Variants in OXSR1 observed in about 807,000 individuals in gnomAD.
OXSR1 encodes serine/threonine-protein kinase OSR1.
A neutral mutation model predicts 79.8 loss-of-function variants in OXSR1; 24 were observed. That is an observed-to-expected ratio of 0.30 (90% CI 0.22 to 0.42). OXSR1 has a LOEUF of 0.42. OXSR1 is among the 10% of genes least tolerant of loss of function. The pLI is 1.00. For missense variants in OXSR1, 430 were observed against 618.4 expected, an observed-to-expected ratio of 0.70 and a Z score of 3.23; for synonymous variants, 226 against 209.2, an observed-to-expected ratio of 1.08 and a Z score of -0.69.
chr3:38,175,454 C>T lies in OXSR1; in HGVS notation c.71-7549C>T, dbSNP rs2125803002. On this transcript the variant is annotated intron_variant, in intron 1 of 17. Transcript: ENST00000311806. ...AGCTGGGACTACAGGCGTGTGCCAC[C>T]ACACCCGGCTAATTTTTGTATTTTT... Among the ~76,000 whole-genome samples the T allele has an allele frequency of 2.0e-5, 3 of 152,262 alleles. No homozygotes were observed. The South Asian group carries it at 6.2e-4, about 32-fold the overall frequency.
intron 11 of OXSR1, among the ~76,000 whole-genome samples, chr3:38,238,967 A>G (rs1045409757): frequency 4.0e-5 from 6 of 151,884 alleles, no homozygotes; most frequent in South Asian, 2.1e-4. Flanking sequence ...GTTTCTCTTA[A>G]TTTTTTTAAA....
Position 38,224,562 on chromosome 3 carries a change from T to C in OXSR1, c.703-9T>C, listed in dbSNP as rs1702652993. On this transcript the variant is annotated splice_polypyrimidine_tract_variant and intron_variant, in intron 7 of 17. Coordinates refer to ENST00000311806, the MANE Select transcript of OXSR1 (RefSeq NM_005109.3). Reference sequence around the variant, plus strand: ...TCACAAGTTTATAGTATATTGAAAATTCTTGCAGGTTTTAATGCTGACACT... The same window carrying C: ...TCACAAGTTTATAGTATATTGAAAACTCTTGCAGGTTTTAATGCTGACACT... 1.9e-6 allele frequency: 3 copies of C among 1,575,996 alleles called. No homozygotes were observed. In the East Asian group the frequency reaches 6.9e-5, roughly 36 times the overall value.
intron 4 of OXSR1, among the ~76,000 whole-genome samples, chr3:38,212,911 G>T (rs945399401): frequency 2.0e-5 from 3 of 152,162 alleles, no homozygotes; most frequent in African/African-American, 7.2e-5. Context: ...TTGTTGTCCT[G>T]TTTGAGGGCA....
At chr3:38,191,084 A>G (rs1701973136) in intron 3 of OXSR1, among the ~76,000 whole-genome samples, 1 of 152,082 alleles carries the variant, frequency 6.6e-6, no homozygotes, top group African/African-American at 2.4e-5. Context: ...TGGCTCTGTC[A>G]CCCAGGCTGG....
At chr3:38,224,461 T>A in intron 7 of OXSR1, 110 bp from the exon 8 acceptor site, 1 of 771,742 alleles carries the variant, frequency 1.3e-6, no homozygotes. Context: ...TTACAGAAAA[T>A]AAAATGTTTG....
intron 10 of OXSR1, among the ~76,000 whole-genome samples, chr3:38,232,675 G>T (rs1325584773): frequency 1.3e-5 from 2 of 152,094 alleles, no homozygotes; most frequent in African/African-American, 2.4e-5. Context: ...TGGGAGGATT[G>T]TTTGAGCCTG....
intron 10 of OXSR1, among the ~76,000 whole-genome samples, chr3:38,236,354 G>A (rs754609966): frequency 3.9e-5 from 6 of 152,158 alleles, no homozygotes; most frequent in Non-Finnish European, 5.9e-5. Flanking sequence ...AAAATGAGTT[G>A]AAAGTGGTTG....
chr3:38,205,852 C>T (rs1410316586), intron 4 of OXSR1, among the ~76,000 whole-genome samples: 1 of 152,150 alleles, frequency 6.6e-6, no homozygotes, highest in African/African-American at 2.4e-5. Flanking sequence ...GTTTTTCAAG[C>T]ATAAAAGGTT....
At chr3:38,216,791 A>G (rs1268247902) in intron 5 of OXSR1, among the ~76,000 whole-genome samples, 3 of 152,286 alleles carry the variant, frequency 2.0e-5, no homozygotes, top group African/African-American at 7.2e-5. Flanking sequence ...GAAGATAATC[A>G]CCCAAATCTT....
intron 4 of OXSR1, among the ~76,000 whole-genome samples, chr3:38,204,153 C>A (rs1372929816): frequency 6.6e-6 from 1 of 152,194 alleles, no homozygotes; most frequent in African/African-American, 2.4e-5. Context: ...CTGGCTACCC[C>A]CAGTGTTCAG....
At chr3:38,177,073 A>C (rs1438771103) in intron 1 of OXSR1, among the ~76,000 whole-genome samples, 2 of 152,250 alleles carry the variant, frequency 1.3e-5, no homozygotes, top group African/African-American at 4.8e-5. Context: ...AAATATTGCA[A>C]AGAATCAGTG....
intron 15 of OXSR1, 60 bp downstream of exon 15, chr3:38,250,078 GTTGTGAAGTTTCTGTCCT>G: frequency 8.8e-7 from 1 of 1,132,188 alleles, no homozygotes; most frequent in Non-Finnish European, 1.3e-6. Flanking sequence ...AATGAAATGT[GTTGTGAAGTTTCTGTCCT>G]TTGTGAAGTT....
At chr3:38,175,651 A>G (rs1396736291) in intron 1 of OXSR1, among the ~76,000 whole-genome samples, 3 of 152,210 alleles carry the variant, frequency 2.0e-5, no homozygotes, top group Non-Finnish European at 4.4e-5. Flanking sequence ...AGAGAAACTG[A>G]AATTTTTTCT....
At chr3:38,184,898 C>T (rs1477343842) in intron 2 of OXSR1, among the ~76,000 whole-genome samples, 1 of 38,566 alleles carries the variant, frequency 2.6e-5, no homozygotes. Context: ...GTAGAAAGAA[C>T]ATTTCTTTTT....
Position 38,252,329 on chromosome 3 carries a change from G to A in OXSR1, c.1446G>A (p.Val482=). Reference sequence around the variant, plus strand: ...CCTTCTCTGTTTGTATGATTACAGTGGCAGCTAATTTGCAGAAAATTGTGG... The same window carrying A: ...CCTTCTCTGTTTGTATGATTACAGTAGCAGCTAATTTGCAGAAAATTGTGG... ...GLVDGRDLVI[V]AANLQKIVEE... is the part of the protein sequence containing the mutation. The change falls in exon 17 of 18, where the codon GTG becomes GTA. Residue 482 remains valine (V), a splice_region_variant and synonymous_variant. Coordinates refer to ENST00000311806, the MANE Select transcript of OXSR1 (RefSeq NM_005109.3). The A allele has an allele frequency of 6.2e-7, 1 of 1,602,108 alleles. No individual in the cohort carries two copies. Among genetic ancestry groups the A allele is most frequent in the Non-Finnish European group, 8.6e-7 (1 of 1,169,254 alleles).
chr3:38,199,001 A>G, intron 4 of OXSR1, 138 bp downstream of exon 4: 1 of 607,452 alleles, frequency 1.6e-6, no homozygotes, highest in South Asian at 3.3e-5. Context: ...AGTCTTAATT[A>G]TACAGCTAGT....
At chr3:38,196,611 A>AG (rs1702076547) in intron 3 of OXSR1, among the ~76,000 whole-genome samples, 5 of 152,234 alleles carry the variant, frequency 3.3e-5, no homozygotes, top group Admixed American at 3.3e-4. Flanking sequence ...GCATTGCTTT[A>AG]ATCTTCCCAT....
At chr3:38,198,550 T>C (rs1448758178) in intron 3 of OXSR1, among the ~76,000 whole-genome samples, 172 bp from the exon 4 acceptor site, 2 of 152,242 alleles carry the variant, frequency 1.3e-5, no homozygotes, top group Non-Finnish European at 2.9e-5. Flanking sequence ...TAGATTGGAA[T>C]TGAAAATAAG....
At chr3:38,188,216 C>T (rs532751904) in intron 2 of OXSR1, among the ~76,000 whole-genome samples, 55 of 152,176 alleles carry the variant, frequency 3.6e-4, no homozygotes, top group African/African-American at 1.3e-3. Flanking sequence ...ACAATTTGAC[C>T]CTAACTCTTT....
Sources: allele counts gnomAD v4.1 joint callset (sites outside exome capture counted in the v4.1 genomes callset), GRCh38; gene constraint gnomAD v4.1.1; transcripts MANE v1.5; gene names NCBI Gene and HGNC (gene_info 2026-07-23, HGNC 2026-07-21).